Variants in SAMD5 observed in about 807,000 individuals in gnomAD.
SAMD5 encodes sterile alpha motif domain-containing protein 5.
A neutral mutation model predicts 11.3 loss-of-function variants in SAMD5; 13 were observed. The ratio of observed to expected loss-of-function variants is 1.15; its 90% CI spans 0.75 to 1.83. The LOEUF is 1.83. SAMD5 is among the 40% of genes most tolerant of loss of function. The pLI is 0.00. For missense variants in SAMD5, 255 were observed against 239.1 expected (o/e 1.07, Z -0.44); for synonymous variants, 129 against 111.3 (o/e 1.16, Z -1.00).
the SAMD5 span, among the ~76,000 whole-genome samples, chr6:147,879,454 C>T: frequency 1.3e-5 from 2 of 152,288 alleles, no homozygotes; most frequent in African/African-American, 2.4e-5. Flanking sequence ...TCTGGACCTG[C>T]CAGGCTGCAT....
At chr6:147,572,693 A>G (rs1439634477), downstream of SAMD5, among the ~76,000 whole-genome samples, 2 of 152,242 alleles carry the variant, frequency 1.3e-5, no homozygotes, top group Non-Finnish European at 2.9e-5. Flanking sequence ...CTAATAATCA[A>G]TTGATTTCTG....
At chr6:147,690,042 A>G (rs1256242815) in intron 1 of SAMD5, among the ~76,000 whole-genome samples, 1 of 152,204 alleles carries the variant, frequency 6.6e-6, no homozygotes, top group Admixed American at 6.5e-5. Context: ...GTTGGTTTAA[A>G]AAGTTCCACC....
At chr6:147,701,015 C>A (rs142466147) in intron 1 of SAMD5, among the ~76,000 whole-genome samples, 1 of 152,158 alleles carries the variant, frequency 6.6e-6, no homozygotes, top group African/African-American at 2.4e-5. Context: ...ATCCTTGAAT[C>A]TTACATATTC....
In SAMD5 at chr6:147,685,272, C is replaced by T. The variant is rs376581434; in HGVS notation, c.163-52045C>T. Among the ~76,000 whole-genome samples the T allele has an allele frequency of 6.6e-5, 10 of 152,284 alleles. No homozygotes were observed. The East Asian group carries it at 1.5e-3, about 24-fold the overall frequency. ...AGTGCAATGGTGCGATCTCGGCTCG[C>T]TGCAACCTCCACCTCCCAGGTTCAA... On this transcript the variant is annotated intron_variant, in intron 1 of 1. Transcript: ENST00000566741.
chr6:147,690,549 A>G (rs151178195), intron 1 of SAMD5, among the ~76,000 whole-genome samples: 17,468 of 152,106 alleles, frequency 0.11, 1,108 homozygotes, highest in Middle Eastern at 0.15. Flanking sequence ...CTTGGGAGGC[A>G]GAGGCACGAG....
intron 1 of SAMD5, among the ~76,000 whole-genome samples, chr6:147,598,461 C>T (rs1198832994): frequency 1.3e-5 from 2 of 152,230 alleles, no homozygotes; most frequent in Non-Finnish European, 2.9e-5. Flanking sequence ...TTCTCTTTCC[C>T]CTGCTTTTTT....
chr6:147,690,518 G>A (rs1031467761), intron 1 of SAMD5, among the ~76,000 whole-genome samples: 30 of 151,954 alleles, frequency 2.0e-4, no homozygotes, highest in African/African-American at 6.8e-4. Flanking sequence ...GCGTGGTGGC[G>A]GGCGCCTGCA....
chr6:147,610,494 T>C (rs1204011107), intron 1 of SAMD5, among the ~76,000 whole-genome samples: 4 of 152,180 alleles, frequency 2.6e-5, no homozygotes, highest in Non-Finnish European at 5.9e-5. Flanking sequence ...ATATTTCCTC[T>C]AAAATTGTAT....
the SAMD5 span, among the ~76,000 whole-genome samples, chr6:147,760,118 A>G: frequency 1.3e-4 from 20 of 152,304 alleles, no homozygotes; most frequent in Middle Eastern, 3.4e-3. Context: ...AACTACATAG[A>G]TGAATGGATC....
chr6:147,602,239 G>A (rs916106453), intron 1 of SAMD5, among the ~76,000 whole-genome samples: 1 of 152,152 alleles, frequency 6.6e-6, no homozygotes. Flanking sequence ...TGTCATTTTT[G>A]ACATAACATT....
the SAMD5 span, among the ~76,000 whole-genome samples, chr6:147,891,723 C>T: frequency 6.6e-6 from 1 of 152,038 alleles, no homozygotes; most frequent in Non-Finnish European, 1.5e-5. Flanking sequence ...CTCCCCAGAT[C>T]TAAGATGAAA....
chr6:147,826,704 G>A, the SAMD5 span, among the ~76,000 whole-genome samples: 2 of 152,164 alleles, frequency 1.3e-5, no homozygotes. Flanking sequence ...ATTCATGTGT[G>A]TCATATTACA....
the SAMD5 span, among the ~76,000 whole-genome samples, chr6:147,789,459 G>A: frequency 1.3e-5 from 2 of 152,010 alleles, no homozygotes; most frequent in Non-Finnish European, 2.9e-5. Flanking sequence ...TTTTTTAGGA[G>A]GATGATATGT....
the SAMD5 span, among the ~76,000 whole-genome samples, chr6:147,835,242 AAAAAC>A: frequency 6.7e-6 from 1 of 150,314 alleles, no homozygotes; most frequent in African/African-American, 2.5e-5. Flanking sequence ...TAAAAAAAAA[AAAAAC>A]AAAAAAAACA....
At chr6:147,741,671 G>C (rs1172340073), downstream of SAMD5, 1 of 152,176 alleles carries the variant, frequency 6.6e-6, no homozygotes, top group African/African-American at 2.4e-5. Context: ...CGAGGCTTCT[G>C]ATCACAACCC....
Position 147,635,524 on chromosome 6 carries a change from A to G in SAMD5, c.163-101793A>G, listed in dbSNP as rs562288637. On this transcript the variant is annotated intron_variant, in intron 1 of 1. Coordinates refer to the SAMD5 transcript ENST00000566741. ...AAAAGTTTAATTTCCCCTTCAGTCT[A>G]TTTCGACTTCATGCTGATTTCATTT... Among the ~76,000 whole-genome samples, 8 of 152,200 alleles carry G rather than the reference A, an allele frequency of 5.3e-5. No individual in the cohort carries two copies. In the South Asian group the frequency reaches 1.2e-3, roughly 24 times the overall value.
intron 1 of SAMD5, among the ~76,000 whole-genome samples, chr6:147,669,497 G>A (rs894106225): frequency 3.5e-5 from 5 of 142,080 alleles, no homozygotes; most frequent in African/African-American, 1.1e-4. Flanking sequence ...TCATGGTCTC[G>A]GCTCACTGCA....
At chr6:147,892,253 C>T in the SAMD5 span, among the ~76,000 whole-genome samples, 3 of 152,130 alleles carry the variant, frequency 2.0e-5, no homozygotes, top group African/African-American at 4.8e-5. Context: ...GCAGTGACCT[C>T]GACAGAGAAA....
At chr6:147,783,552 C>G in the SAMD5 span, among the ~76,000 whole-genome samples, 25 of 151,962 alleles carry the variant, frequency 1.6e-4, 1 homozygote, top group Admixed American at 1.2e-3. Context: ...CACCACCACG[C>G]CTGGCTAATT....
Sources: gnomAD v4.1 joint callset for allele counts (sites outside exome capture counted in the v4.1 genomes callset) on GRCh38, gnomAD v4.1.1 for gene constraint, MANE v1.5 for transcripts, NCBI Gene and HGNC (gene_info 2026-07-23, HGNC 2026-07-21) for gene names.